FRY: variants seen among roughly 807,000 people sequenced by gnomAD.
FRY encodes the protein FRY microtubule binding protein.
A neutral mutation model predicts 348.4 loss-of-function variants in FRY; 128 were observed. That is an observed-to-expected ratio of 0.37 (90% CI 0.32 to 0.43). The LOEUF (loss-of-function observed/expected upper bound fraction) is 0.43. Among genes scored for constraint, FRY ranks in the 20% least tolerant of loss-of-function variants. The probability of loss-of-function intolerance (pLI) is 1.00; values close to 1 mark genes in which losing one functional copy is unlikely to be tolerated. For missense variants in FRY, 2,736 were observed against 3,695.2 expected (o/e 0.74, Z 6.73); for synonymous variants, 1,370 against 1,374.7 (o/e 1.00, Z 0.08).
At position 32,194,132 on chromosome 13, in the gene FRY, C is replaced by T; in HGVS notation, c.3592-11C>T. 6.2e-7 allele frequency: 1 copy of T among 1,609,964 alleles called. No individual in the cohort carries two copies. The highest frequency in any genetic ancestry group is 8.5e-7 in the Non-Finnish European group (1 of 1,176,214). On this transcript the variant is annotated splice_polypyrimidine_tract_variant and intron_variant, in intron 28 of 60. Transcript: ENST00000542859. The stretch of plus-strand genomic sequence containing the variant: ...AAATGGGAATAATATTGATTTGCTC[C>T]ATGTATTCAGGTTCATCAACTTGGC...
intron 37 of FRY, 28 bp downstream of exon 37, chr13:32,224,413 A>G (rs761122535): frequency 9.9e-6 from 16 of 1,610,094 alleles, no homozygotes; most frequent in Non-Finnish European, 1.3e-5. Context: ...GGAGAAGGAA[A>G]TCTTAGCTTT....
At chr13:32,143,056 A>G (rs973657565) in intron 11 of FRY, among the ~76,000 whole-genome samples, 3 of 152,144 alleles carry the variant, frequency 2.0e-5, no homozygotes, top group Non-Finnish European at 2.9e-5. Context: ...GGGAATTGCA[A>G]AAGGGATGTT....
At chr13:32,143,623 A>G (rs955709014) in intron 11 of FRY, among the ~76,000 whole-genome samples, 6 of 152,218 alleles carry the variant, frequency 3.9e-5, no homozygotes, top group African/African-American at 9.6e-5. Flanking sequence ...ATGATACACA[A>G]TGAGAGATTA....
chr13:32,291,245 A>C (rs891508464), intron 59 of FRY, among the ~76,000 whole-genome samples: 1 of 152,300 alleles, frequency 6.6e-6, no homozygotes, highest in East Asian at 1.9e-4. Flanking sequence ...AAAGGAAAAA[A>C]CTATACGACT....
chr13:32,186,571 A>G, intron 27 of FRY, 151 bp downstream of exon 27: 1 of 656,858 alleles, frequency 1.5e-6, no homozygotes, highest in Non-Finnish European at 2.7e-6. Flanking sequence ...ACATGGACAC[A>G]CACGTACATA....
chr13:32,245,237 A>G (rs989138640), intron 47 of FRY, among the ~76,000 whole-genome samples: 1 of 151,874 alleles, frequency 6.6e-6, no homozygotes, highest in African/African-American at 2.4e-5. Flanking sequence ...ATGAGCCACC[A>G]CGTCCAGCCC....
intron 55 of FRY, among the ~76,000 whole-genome samples, chr13:32,274,576 C>T (rs568015077): frequency 5.9e-5 from 9 of 151,612 alleles, no homozygotes; most frequent in East Asian, 5.8e-4. Flanking sequence ...TGGTGGCAGG[C>T]ACCTGTAGTC....
chr13:32,130,644 G>A (rs1301299995), intron 7 of FRY, among the ~76,000 whole-genome samples: 2 of 152,032 alleles, frequency 1.3e-5, no homozygotes, highest in African/African-American at 4.8e-5. Context: ...TGATAATATT[G>A]TTGTAATTAG....
intron 35 of FRY, 116 bp from the exon 36 acceptor site, chr13:32,218,633 C>T (rs1275091762): frequency 3.2e-5 from 21 of 653,684 alleles, no homozygotes; most frequent in African/African-American, 7.6e-5. Flanking sequence ...GAGCCAAGAT[C>T]GCACCACGGT....
At chr13:32,075,102 C>T (rs149441637) in intron 1 of FRY, among the ~76,000 whole-genome samples, 52 of 152,242 alleles carry the variant, frequency 3.4e-4, no homozygotes, top group African/African-American at 1.3e-3. Flanking sequence ...AAATAAATTT[C>T]AGTTAAAAAT....
At chr13:32,224,877 A>G (rs1426960513) in intron 37 of FRY, 56 bp from the exon 38 acceptor site, 2 of 972,784 alleles carry the variant, frequency 2.1e-6, no homozygotes, top group Non-Finnish European at 1.7e-6. Context: ...TTAATGATCT[A>G]CTAGTATTTC....
intron 4 of FRY, among the ~76,000 whole-genome samples, chr13:32,122,742 A>G (rs77001294): frequency 0.082 from 12,418 of 152,280 alleles, 554 homozygotes; most frequent in African/African-American, 0.13. Flanking sequence ...AGAAGAAGTC[A>G]AACTGTCACT....
chr13:32,054,731 C>A (rs547976857), intron 1 of FRY, among the ~76,000 whole-genome samples: 1 of 152,114 alleles, frequency 6.6e-6, no homozygotes, highest in African/African-American at 2.4e-5. Flanking sequence ...AGAAATTAGC[C>A]GGGCATGGTG....
intron 34 of FRY, among the ~76,000 whole-genome samples, chr13:32,211,345 G>A (rs1243272142): frequency 1.3e-5 from 2 of 152,214 alleles, no homozygotes; most frequent in Admixed American, 1.3e-4. Context: ...AGTACTCCCA[G>A]CTCCTCAGGA....
At chr13:32,186,475 A>G in intron 27 of FRY, 55 bp downstream of exon 27, 1 of 1,093,954 alleles carries the variant, frequency 9.1e-7, no homozygotes, top group Non-Finnish European at 1.4e-6. Context: ...CTCTCTCGTT[A>G]AACTAATAAC....
At chr13:32,054,299 C>T (rs937135495) in intron 1 of FRY, among the ~76,000 whole-genome samples, 1 of 151,694 alleles carries the variant, frequency 6.6e-6, no homozygotes, top group South Asian at 2.1e-4. Flanking sequence ...AATGGCACCA[C>T]TTGCTTTGTT....
intron 4 of FRY, among the ~76,000 whole-genome samples, chr13:32,121,812 A>T (rs1878675083): frequency 6.6e-6 from 1 of 152,030 alleles, no homozygotes; most frequent in South Asian, 2.1e-4. Flanking sequence ...CTTTGTTTTT[A>T]TTGCATTTGC....
chr13:32,178,078 C>A, intron 20 of FRY, 99 bp from the exon 21 acceptor site: 1 of 1,301,640 alleles, frequency 7.7e-7, no homozygotes, highest in Non-Finnish European at 1.1e-6. Context: ...GTGCACTCAG[C>A]AAAAGCACTG....
chr13:32,200,464 G>T (rs1472193384), intron 29 of FRY, among the ~76,000 whole-genome samples: 1 of 152,166 alleles, frequency 6.6e-6, no homozygotes, highest in African/African-American at 2.4e-5. Context: ...GTTCACACCT[G>T]TAATCCCAAC....
Sources: allele counts gnomAD v4.1 joint callset (sites outside exome capture counted in the v4.1 genomes callset), GRCh38; gene constraint gnomAD v4.1.1; transcripts MANE v1.5; gene names NCBI Gene and HGNC (gene_info 2026-07-23, HGNC 2026-07-21).